DOCK9: variants seen among roughly 807,000 people sequenced by gnomAD.
DOCK9 encodes dedicator of cytokinesis protein 9.
Under a neutral mutation model 263.3 loss-of-function variants are expected in DOCK9, and 89 were observed. That is an observed-to-expected ratio of 0.34 (90% CI 0.28 to 0.40). The LOEUF is 0.40. Ranked by LOEUF, DOCK9 falls within the 10% of genes least tolerant of loss-of-function variation. DOCK9 has a pLI of 1.00. For missense variants in DOCK9, 2,140 were observed against 2,603.4 expected (o/e 0.82, Z 3.87); for synonymous variants, 976 against 973.1 (o/e 1.00, Z -0.06).
In DOCK9 at chr13:98,848,618, C is replaced by T. The variant is rs1198130610; in HGVS notation, c.4035G>A (p.Gln1345=). 1 of 1,612,570 alleles carries T rather than the reference C, an allele frequency of 6.2e-7. No homozygotes were observed. The highest frequency in any genetic ancestry group is 1.1e-5 in the South Asian group (1 of 90,352). ...TISEVCLHQF[Q]YMGKRYIARN... Reference sequence around the variant, plus strand: ...TGGCTATGTATCGCTTCCCCATGTACTGGAACTGGTGCAGGCAGACTCTGC... The same window carrying T: ...TGGCTATGTATCGCTTCCCCATGTATTGGAACTGGTGCAGGCAGACTCTGC... Residue 1345 remains glutamine, a synonymous_variant, in exon 37 of 53, where the codon CAG becomes CAA. Transcript: ENST00000682017.
chr13:99,079,899 G>C (rs1374812038), intron 1 of DOCK9, among the ~76,000 whole-genome samples: 1 of 152,176 alleles, frequency 6.6e-6, no homozygotes, highest in Non-Finnish European at 1.5e-5. Flanking sequence ...AATTAGCCGG[G>C]TGTGGTGGCA....
intron 1 of DOCK9, among the ~76,000 whole-genome samples, chr13:98,966,430 T>G (rs552645752): frequency 6.6e-6 from 1 of 152,238 alleles, no homozygotes; most frequent in African/African-American, 2.4e-5. Context: ...TGGAAAGAAA[T>G]AAAATCAAAA....
At position 98,881,545 on chromosome 13, in the gene DOCK9, G is replaced by A. The variant is rs2044758755; in HGVS notation, c.2745+13C>T. On this transcript the variant is annotated intron_variant, in intron 25 of 52. Coordinates refer to ENST00000682017, the MANE Select transcript of DOCK9 (RefSeq NM_001366683.2). ...CACAGATGTAAGTGATCAGAACAGT[G>A]TGTTTTACATACCTTAACATATGAC... 1.9e-6 allele frequency: 3 copies of A among 1,591,264 alleles called. No homozygotes were observed. The highest frequency in any genetic ancestry group is 2.6e-6 in the Non-Finnish European group (3 of 1,168,014).
intron 45 of DOCK9, among the ~76,000 whole-genome samples, chr13:98,818,309 T>C (rs1275498214): frequency 6.6e-6 from 1 of 152,170 alleles, no homozygotes; most frequent in Non-Finnish European, 1.5e-5. Flanking sequence ...CATACACCAA[T>C]ACAAAATTAT....
chr13:98,989,346 G>GATGATGATAATA (rs1357152750), intron 1 of DOCK9, among the ~76,000 whole-genome samples: 10 of 60,064 alleles, frequency 1.7e-4, no homozygotes, highest in East Asian at 3.4e-4. Context: ...TGATGATGAT[G>GATGATGATAATA]ATAATAATAA....
At chr13:99,011,785 A>T (rs1884532779) in intron 1 of DOCK9, among the ~76,000 whole-genome samples, 3 of 152,224 alleles carry the variant, frequency 2.0e-5, no homozygotes, top group Admixed American at 2.0e-4. Flanking sequence ...AGAGGATTCA[A>T]ACCCCAAAGG....
At chr13:98,796,142 C>T in intron 52 of DOCK9, 1 of 1,337,310 alleles carries the variant, frequency 7.5e-7, no homozygotes, top group Middle Eastern at 1.8e-4. Context: ...TGCTCAAACT[C>T]AAAAAAGTAA....
At chr13:99,041,396 T>C (rs557715955) in intron 1 of DOCK9, among the ~76,000 whole-genome samples, 8 of 152,130 alleles carry the variant, frequency 5.3e-5, no homozygotes, top group Non-Finnish European at 8.8e-5. Context: ...AGGCAGAGAA[T>C]TGCTTGAGCC....
rs1320058353 is a variant in DOCK9 at position 98,888,227 on chromosome 13, C to A, written c.1978-4G>T. ...TGCAAATCGCAATATTTCTAGCCTG[C>A]AGCAATAAACAAAACAGAATAAGAA... On this transcript the variant is annotated splice_region_variant and splice_polypyrimidine_tract_variant and intron_variant, in intron 17 of 52. Transcript: ENST00000682017. The A allele has an allele frequency of 6.2e-7, 1 of 1,610,184 alleles. No individual in the cohort carries two copies. The highest frequency in any genetic ancestry group is 2.2e-5 in the East Asian group (1 of 44,802).
chr13:99,022,403 G>A (rs1231389872), intron 1 of DOCK9, among the ~76,000 whole-genome samples: 3 of 152,216 alleles, frequency 2.0e-5, no homozygotes, highest in Non-Finnish European at 4.4e-5. Context: ...AGTAGAGAAC[G>A]CAAAAGAACA....
intron 49 of DOCK9, among the ~76,000 whole-genome samples, chr13:98,802,483 G>A (rs757636177): frequency 5.3e-4 from 81 of 152,336 alleles, no homozygotes; most frequent in Non-Finnish European, 9.4e-4. Flanking sequence ...CTGCTGGTCT[G>A]TGTGTCTTGA....
At chr13:98,996,645 G>A (rs1056359090) in intron 1 of DOCK9, among the ~76,000 whole-genome samples, 5 of 152,130 alleles carry the variant, frequency 3.3e-5, no homozygotes, top group East Asian at 1.9e-4. Flanking sequence ...ACACAAATTC[G>A]TAAACTTTCA....
chr13:98,797,320 T>C (rs2089543383), intron 51 of DOCK9, 67 bp from the exon 52 acceptor site: 18 of 1,609,680 alleles, frequency 1.1e-5, no homozygotes, highest in Non-Finnish European at 1.4e-5. Context: ...ACCAGCAGCA[T>C]CTCCTTCCCG....
intron 48 of DOCK9, 39 bp downstream of exon 48, chr13:98,807,622 C>T (rs755686798): frequency 7.2e-6 from 11 of 1,523,810 alleles, no homozygotes; most frequent in Non-Finnish European, 9.8e-6. Flanking sequence ...TCAATCACAA[C>T]ATTACATTGC....
chr13:98,952,145 G>A (rs1336535133), intron 2 of DOCK9, among the ~76,000 whole-genome samples: 2 of 151,586 alleles, frequency 1.3e-5, no homozygotes, highest in Admixed American at 1.3e-4. Flanking sequence ...TGATCCACCT[G>A]CCTCGGACTC....
chr13:99,043,182 ATCT>A (rs1412850094), intron 1 of DOCK9, among the ~76,000 whole-genome samples: 1 of 152,152 alleles, frequency 6.6e-6, no homozygotes, highest in South Asian at 2.1e-4. Flanking sequence ...TCAGGGTCAC[ATCT>A]TCTTCCTTGG....
At chr13:98,811,284 T>A (rs578122083) in intron 45 of DOCK9, among the ~76,000 whole-genome samples, 60 of 152,362 alleles carry the variant, frequency 3.9e-4, no homozygotes, top group African/African-American at 1.4e-3. Flanking sequence ...TGGTAAAGTG[T>A]CTATTCAAAT....
intron 38 of DOCK9, among the ~76,000 whole-genome samples, chr13:98,837,970 A>C (rs1181955887): frequency 6.6e-6 from 1 of 152,190 alleles, no homozygotes; most frequent in Non-Finnish European, 1.5e-5. Flanking sequence ...TGGTGGAGAT[A>C]AGGAAATGAA....
Position 98,925,851 on chromosome 13 carries a change from A to G in DOCK9, c.402T>C (p.Phe134=), listed in dbSNP as rs1404943697. The G allele has an allele frequency of 2.5e-6, 4 of 1,572,614 alleles. No homozygotes were observed. The highest frequency in any genetic ancestry group is 3.5e-6 in the Non-Finnish European group (4 of 1,158,020). Reference sequence around the variant, plus strand: ...AGCTTACTCACTTCGGAAGCTGTCGAAACTCTCCTGAGTAATCTTCATATT... The same window carrying G: ...AGCTTACTCACTTCGGAAGCTGTCGGAACTCTCCTGAGTAATCTTCATATT... ...NYKYEDYSGE[F]RQLPNKVVKL... is the part of the protein sequence containing the mutation. Residue 134 remains phenylalanine (F), a synonymous_variant, in exon 4 of 53, where the codon TTT becomes TTC. Transcript: ENST00000682017.
Sources: gnomAD v4.1 joint callset for allele counts (sites outside exome capture counted in the v4.1 genomes callset) on GRCh38, gnomAD v4.1.1 for gene constraint, MANE v1.5 for transcripts, NCBI Gene and HGNC (gene_info 2026-07-23, HGNC 2026-07-21) for gene names.